HDAC9: variants seen among roughly 807,000 people sequenced by gnomAD.
HDAC9 encodes the protein MEF-2 interacting transcription repressor (MITR) protein.
HDAC9 carries 41 observed loss-of-function variants against 139.4 expected under a neutral mutation model. The observed-to-expected ratio is 0.29, with a 90% CI of 0.23 to 0.38. The LOEUF (loss-of-function observed/expected upper bound fraction) is 0.38. Ranked by LOEUF, HDAC9 falls within the 10% of genes least tolerant of loss-of-function variation. HDAC9 has a pLI of 1.00. For synonymous variants in HDAC9, 517 were observed against 476.2 expected (o/e 1.09, Z -1.12); for missense variants, 1,147 against 1,297.0 (o/e 0.88, Z 1.78).
intron 1 of HDAC9, among the ~76,000 whole-genome samples, chr7:18,339,943 A>G (rs1234951467): frequency 6.6e-6 from 1 of 151,474 alleles, no homozygotes; most frequent in Non-Finnish European, 1.5e-5. Context: ...GCATATTCTT[A>G]CTGATTTTCT....
At chr7:18,993,413 A>G (rs1176588610) in intron 25 of HDAC9, among the ~76,000 whole-genome samples, 2 of 152,228 alleles carry the variant, frequency 1.3e-5, no homozygotes, top group African/African-American at 2.4e-5. Context: ...TTTCGAAAGT[A>G]AAACAGCTGG....
upstream of HDAC9, chr7:18,495,746 G>C (rs180883311): frequency 8.6e-5 from 85 of 989,994 alleles, no homozygotes; most frequent in African/African-American, 1.3e-3. Context: ...ACTGAGAAAG[G>C]GGGAAGAGAG....
chr7:18,846,288 A>G (rs1395481844), intron 21 of HDAC9, among the ~76,000 whole-genome samples: 1 of 152,158 alleles, frequency 6.6e-6, no homozygotes, highest in Non-Finnish European at 1.5e-5. Context: ...GTTCCTTGCC[A>G]CAAAGAGCAA....
At chr7:18,127,128 A>G (rs17138628) in intron 1 of HDAC9, 16,496 of 167,570 alleles carry the variant, frequency 0.098, 1,004 homozygotes, top group African/African-American at 0.17. Flanking sequence ...AATCAATATT[A>G]GTGTGACTTG....
chr7:18,457,534 AG>A (rs1289167129), intron 1 of HDAC9, among the ~76,000 whole-genome samples: 1 of 152,164 alleles, frequency 6.6e-6, no homozygotes, highest in Non-Finnish European at 1.5e-5. Context: ...TTTAATTGAG[AG>A]TTTCTTTCTG....
At chr7:18,812,375 A>G (rs780432225) in intron 17 of HDAC9, among the ~76,000 whole-genome samples, 9 of 151,978 alleles carry the variant, frequency 5.9e-5, no homozygotes, top group Non-Finnish European at 1.3e-4. Context: ...TCTGCTAGCA[A>G]CAAATTCTCT....
intron 22 of HDAC9, among the ~76,000 whole-genome samples, chr7:18,884,287 A>G (rs13237090): frequency 0.04 from 6,162 of 152,278 alleles, 294 homozygotes; most frequent in African/African-American, 0.11. Flanking sequence ...ATACTTTCCA[A>G]TGTTAACAGC....
At chr7:18,575,178 A>G (rs1825630494) in intron 2 of HDAC9, among the ~76,000 whole-genome samples, 1 of 152,260 alleles carries the variant, frequency 6.6e-6, no homozygotes, top group South Asian at 2.1e-4. Context: ...AAGACTACAC[A>G]TTTTAATGAA....
At chr7:18,100,157 A>AT (rs199829934) in intron 1 of HDAC9, among the ~76,000 whole-genome samples, 3,425 of 150,160 alleles carry the variant, frequency 0.023, 42 homozygotes, top group Non-Finnish European at 0.031. Flanking sequence ...TATCATTTGC[A>AT]TTTTTTTTTA....
upstream of HDAC9, chr7:18,290,103 G>A (rs1438698770): frequency 1.2e-5 from 2 of 170,942 alleles, no homozygotes; most frequent in Non-Finnish European, 1.3e-5. Flanking sequence ...AGTATACTTA[G>A]AGTATGGAGC....
intron 24 of HDAC9, among the ~76,000 whole-genome samples, chr7:18,963,787 A>T (rs2129330259): frequency 6.6e-6 from 1 of 152,304 alleles, no homozygotes; most frequent in Admixed American, 6.5e-5. Context: ...GACGGGATGG[A>T]TACATCAGGC....
intron 22 of HDAC9, among the ~76,000 whole-genome samples, chr7:18,901,067 G>T (rs561036262): frequency 7.2e-5 from 11 of 151,976 alleles, no homozygotes; most frequent in Admixed American, 2.0e-4. Context: ...TCTTTTCAAA[G>T]ATTGCTTAAG....
intron 6 of HDAC9, among the ~76,000 whole-genome samples, chr7:18,628,538 T>G (rs1781393273): frequency 6.6e-6 from 1 of 152,220 alleles, no homozygotes; most frequent in Non-Finnish European, 1.5e-5. Flanking sequence ...ATCCAATGTT[T>G]CCATTCTTCT....
chr7:18,585,245 C>G, intron 2 of HDAC9, 36 bp from the exon 3 acceptor site: 1 of 1,568,986 alleles, frequency 6.4e-7, no homozygotes, highest in Non-Finnish European at 8.8e-7. Flanking sequence ...CTATTACCCT[C>G]CCCCACCCCA....
intron 17 of HDAC9, among the ~76,000 whole-genome samples, chr7:18,794,220 C>A (rs191578288): frequency 6.6e-6 from 1 of 152,164 alleles, no homozygotes; most frequent in African/African-American, 2.4e-5. Flanking sequence ...CACTTCATGA[C>A]GCAATCTGGG....
At chr7:18,116,843 G>A (rs987270793) in intron 1 of HDAC9, among the ~76,000 whole-genome samples, 1 of 152,112 alleles carries the variant, frequency 6.6e-6, no homozygotes, top group African/African-American at 2.4e-5. Flanking sequence ...GATATTTCAG[G>A]CATTGACTCA....
intron 22 of HDAC9, among the ~76,000 whole-genome samples, chr7:18,934,431 A>G (rs926662118): frequency 2.6e-5 from 4 of 152,202 alleles, no homozygotes; most frequent in Non-Finnish European, 5.9e-5. Context: ...AAAAGATAAT[A>G]CATTATGACC....
intron 17 of HDAC9, among the ~76,000 whole-genome samples, chr7:18,798,646 A>C (rs992425706): frequency 2.6e-5 from 4 of 152,298 alleles, no homozygotes; most frequent in Admixed American, 1.3e-4. Context: ...CTTACTTGCA[A>C]GGCTTTATTT....
At chr7:18,405,362 A>G (rs1206017163) in intron 1 of HDAC9, among the ~76,000 whole-genome samples, 1 of 152,094 alleles carries the variant, frequency 6.6e-6, no homozygotes, top group Non-Finnish European at 1.5e-5. Flanking sequence ...CTGCTTATTG[A>G]TTCCTGTTCT....
Sources: gnomAD v4.1 joint callset for allele counts (sites outside exome capture counted in the v4.1 genomes callset) on GRCh38, gnomAD v4.1.1 for gene constraint, MANE v1.5 for transcripts, NCBI Gene and HGNC (gene_info 2026-07-23, HGNC 2026-07-21) for gene names.